MRPS15: variants seen among roughly 807,000 people sequenced by gnomAD.
MRPS15 encodes mitochondrial ribosomal protein S15, also known as small ribosomal subunit protein uS15m.
In MRPS15, 25 loss-of-function variants were observed where a neutral mutation model predicts 30.7. The observed-to-expected ratio is 0.81, with a 90% CI of 0.59 to 1.14. MRPS15 has a LOEUF of 1.14. Among genes scored for constraint, MRPS15 ranks in the 50% most tolerant of loss-of-function variants. MRPS15 has a pLI of 0.00. For missense variants in MRPS15, 313 were observed against 321.7 expected (o/e 0.97, Z 0.21); for synonymous variants, 124 against 120.1 (o/e 1.03, Z -0.21).
In MRPS15 at chr1:36,458,188, A is replaced by T. The variant is rs1215618243; in HGVS notation, c.386-207T>A. 5.8e-6 allele frequency: 3 copies of T among 520,482 alleles called. No individual in the cohort carries two copies. In the African/African-American group the frequency reaches 5.8e-5, roughly 10 times the overall value. 32.2% of individuals were successfully genotyped at this position (520,482 alleles called of 1,614,324 possible). A position where few individuals can be genotyped will look rare whatever the true frequency, so the allele number is the denominator to read the frequency against. ...AAAAAGCAAAATCCAAGGAAGGGACATCCCTTAATATTATAAAGATATCAT... is the reference window on the plus strand; with the variant it reads ...AAAAAGCAAAATCCAAGGAAGGGACTTCCCTTAATATTATAAAGATATCAT... On this transcript the variant is annotated intron_variant, in intron 5 of 7. Transcript: ENST00000373116. The surrounding 1 kb of genome is among the most constrained non-coding windows in gnomAD (Gnocchi z 4.5).
chr1:36,461,333 T>A, intron 3 of MRPS15, 21 bp from the exon 4 acceptor site: 1 of 1,611,850 alleles, frequency 6.2e-7, no homozygotes, highest in Non-Finnish European at 8.5e-7. Context: ...ACCACAGCAA[T>A]GAGACAGACA....
intron 6 of MRPS15, 45 bp from the exon 7 acceptor site, chr1:36,456,423 GT>G: frequency 1.4e-6 from 2 of 1,459,372 alleles, no homozygotes; most frequent in Non-Finnish European, 1.8e-6. Context: ...AAGTGTTACT[GT>G]TGTTCACAGT....
chr1:36,457,000 G>A (rs578052811), intron 6 of MRPS15, among the ~76,000 whole-genome samples: 75 of 152,316 alleles, frequency 4.9e-4, no homozygotes, highest in African/African-American at 1.6e-3. Flanking sequence ...AATATGGCTG[G>A]CCATGGTGGC....
chr1:36,457,043 G>A (rs1423985035), intron 6 of MRPS15, among the ~76,000 whole-genome samples: 6 of 152,170 alleles, frequency 3.9e-5, no homozygotes, highest in Non-Finnish European at 7.3e-5. Flanking sequence ...TTAGGAGGCC[G>A]AGGTGGGGAG....
chr1:36,464,279 G>A lies in MRPS15; in HGVS notation c.-4C>T, dbSNP rs892318110. The A allele has an allele frequency of 4.3e-6, 7 of 1,613,058 alleles. No individual in the cohort carries two copies. In the East Asian group the frequency reaches 1.3e-4, roughly 31 times the overall value. On this transcript the variant is annotated 5_prime_UTR_variant, in exon 1 of 8. Transcript: ENST00000373116. ...TCCTCCACGCGACCCTCAGCATGGT[G>A]ACCTCTAACCCCCGCGGGGCCCGCG...
chr1:36,463,923 G>C, intron 1 of MRPS15, 73 bp from the exon 2 acceptor site: 1 of 1,549,792 alleles, frequency 6.5e-7, no homozygotes, highest in East Asian at 2.3e-5. Context: ...TGTGCCCCTC[G>C]CATTGCCCGT....
rs183813931 is a variant in MRPS15 at position 36,461,142 on chromosome 1, A to G, written c.300+122T>C. ...TCTAGGGATATTGACAAATGGAGGCAGAATGACAGTGGGCTAAGTGCTGTG... is the reference window on the plus strand; with the variant it reads ...TCTAGGGATATTGACAAATGGAGGCGGAATGACAGTGGGCTAAGTGCTGTG... On this transcript the variant is annotated intron_variant, in intron 4 of 7. Transcript: ENST00000373116. The G allele has an allele frequency of 9.5e-6, 9 of 946,468 alleles. No individual in the cohort carries two copies. In the East Asian group the frequency reaches 1.9e-4, roughly 20 times the overall value. The allele number at this position is 946,468 out of a possible 1,614,324, so 58.6% of individuals were successfully genotyped here.
rs1278896249 is a variant in MRPS15, at chr1:36,464,343, C to T, written c.-68G>A. On this transcript the variant is annotated 5_prime_UTR_variant, in exon 1 of 8. The change abolishes an upstream ATG in the 5' untranslated region. Transcript: ENST00000373116. ...TCGCTTTGCGGCACGGACCGGGTTACATGGGCGCCGCCATGCTGGCCCAGG... is the reference window on the plus strand; with the variant it reads ...TCGCTTTGCGGCACGGACCGGGTTATATGGGCGCCGCCATGCTGGCCCAGG... 14 of 1,559,482 alleles carry T rather than the reference C, an allele frequency of 9.0e-6. No individual in the cohort carries two copies. In the East Asian group the frequency reaches 3.0e-4, roughly 33 times the overall value.
At chr1:36,457,856 C>T in intron 6 of MRPS15, 67 bp downstream of exon 6, 2 of 1,481,554 alleles carry the variant, frequency 1.3e-6, no homozygotes, top group Admixed American at 1.7e-5. Flanking sequence ...GACCCAGAGC[C>T]CTTCCCCTCC....
chr1:36,463,947 T>C, intron 1 of MRPS15, 97 bp from the exon 2 acceptor site: 1 of 1,535,866 alleles, frequency 6.5e-7, no homozygotes, highest in African/African-American at 1.4e-5. Flanking sequence ...CCACGGTCTA[T>C]GCGCTTCTGA....
At chr1:36,457,499 T>A (rs1650014739) in intron 6 of MRPS15, among the ~76,000 whole-genome samples, 1 of 152,316 alleles carries the variant, frequency 6.6e-6, no homozygotes, top group Middle Eastern at 3.4e-3. Context: ...ATGCATCACA[T>A]TGGCTGTTAT....
At chr1:36,463,956 G>A in intron 1 of MRPS15, 106 bp from the exon 2 acceptor site, 1 of 1,516,280 alleles carries the variant, frequency 6.6e-7, no homozygotes, top group Non-Finnish European at 8.9e-7. Context: ...ATGCGCTTCT[G>A]AACCTAACCG....
intron 5 of MRPS15, chr1:36,459,396 G>A (rs1650053569): frequency 8.8e-6 from 1 of 114,246 alleles, no homozygotes; most frequent in African/African-American, 4.4e-5. Context: ...GTGAGATCCG[G>A]TCTCAAAAAA....
In MRPS15 at chr1:36,464,338, G is replaced by T. The variant is rs908597261; in HGVS notation, c.-63C>A. 9.6e-6 allele frequency: 15 copies of T among 1,563,502 alleles called. No individual in the cohort carries two copies. The highest frequency in any genetic ancestry group is 5.9e-5 in the South Asian group (5 of 85,324). On this transcript the variant is annotated 5_prime_UTR_variant, in exon 1 of 8. Coordinates refer to ENST00000373116, the MANE Select transcript of MRPS15 (RefSeq NM_031280.4). ...GCCGTTCGCTTTGCGGCACGGACCGGGTTACATGGGCGCCGCCATGCTGGC... is the reference window on the plus strand; with the variant it reads ...GCCGTTCGCTTTGCGGCACGGACCGTGTTACATGGGCGCCGCCATGCTGGC...
At chr1:36,457,825 G>T in intron 6 of MRPS15, 98 bp downstream of exon 6, 2 of 1,166,362 alleles carry the variant, frequency 1.7e-6, no homozygotes, top group Non-Finnish European at 2.6e-6. Context: ...ATTTTCAGTG[G>T]CTTCTAAGCC....
Position 36,464,314 on chromosome 1 carries a change from C to T in MRPS15, c.-39G>A. ...CCCCGCGGGGCCCGCGCCGCGGCCG[C>T]CGTTCGCTTTGCGGCACGGACCGGG... On this transcript the variant is annotated 5_prime_UTR_variant, in exon 1 of 8. Coordinates refer to ENST00000373116, the MANE Select transcript of MRPS15 (RefSeq NM_031280.4). The T allele has an allele frequency of 1.9e-6, 3 of 1,591,664 alleles. No individual in the cohort carries two copies. The highest frequency in any genetic ancestry group is 2.6e-6 in the Non-Finnish European group (3 of 1,168,432).
Position 36,458,360 on chromosome 1 carries a change from C to G in MRPS15, c.386-379G>C, listed in dbSNP as rs554342660. 2.5e-4 allele frequency: 42 copies of G among 171,200 alleles called. 1 individual carries two copies. The South Asian group carries it at 5.3e-3, about 21-fold the overall frequency. The allele number at this position is 171,200 out of a possible 1,614,324, so 10.6% of individuals were successfully genotyped here. A position where few individuals can be genotyped will look rare whatever the true frequency, so the allele number is the denominator to read the frequency against. ...TCTCTTGCCTCAGACTCCAGAGCAG[C>G]TGGGATTACAGGCGCCCGCCACCAC... On this transcript the variant is annotated intron_variant, in intron 5 of 7. Transcript: ENST00000373116. This position sits in a 1 kb window ranked among gnomAD's most constrained non-coding sequence, Gnocchi z 4.5.
chr1:36,460,074 G>C (rs572495930), intron 5 of MRPS15, among the ~76,000 whole-genome samples: 74 of 152,262 alleles, frequency 4.9e-4, no homozygotes, highest in Admixed American at 1.8e-3. Context: ...GCAGTGGCGC[G>C]ATCTCGGCTC....
chr1:36,460,684 C>A lies in MRPS15; in HGVS notation c.385+8G>T. 1.2e-6 allele frequency: 2 copies of A among 1,613,126 alleles called. No homozygotes were observed. The highest frequency in any genetic ancestry group is 1.3e-5 in the African/African-American group (1 of 75,012). ...TACACCCCCACTCCCCAAGGGTCCC[C>A]GACCAACTTCGAGCCTCCAGGGATC... On this transcript the variant is annotated splice_region_variant and intron_variant, in intron 5 of 7. Coordinates refer to ENST00000373116, the MANE Select transcript of MRPS15 (RefSeq NM_031280.4).
Sources: gnomAD v4.1 joint callset for allele counts (sites outside exome capture counted in the v4.1 genomes callset) on GRCh38, gnomAD v4.1.1 for gene constraint, Gnocchi (gnomAD v3.1) non-coding constraint, MANE v1.5 for transcripts, NCBI Gene and HGNC (gene_info 2026-07-23, HGNC 2026-07-21) for gene names.